The following PAM variants were observed in gnomAD, a reference collection of about 807,000 sequenced individuals.
PAM encodes peptidylglycine alpha-amidating monooxygenase.
In PAM, 72 loss-of-function variants were observed where a neutral mutation model predicts 122.1. The ratio of observed to expected loss-of-function variants is 0.59; its 90% CI spans 0.49 to 0.72. The LOEUF is 0.72. Among genes scored for constraint, PAM ranks in the 30% least tolerant of loss-of-function variants. PAM has a pLI of 0.00. For missense variants in PAM, 1,106 were observed against 1,183.7 expected (o/e 0.93, Z 0.96); for synonymous variants, 389 against 404.4 (o/e 0.96, Z 0.46).
chr5:102,770,777 T>C (rs1755537911), intron 1 of PAM, among the ~76,000 whole-genome samples: 1 of 152,126 alleles, frequency 6.6e-6, no homozygotes, highest in African/African-American at 2.4e-5. Context: ...TGTATCAATG[T>C]TCATCAGGGA....
intron 22 of PAM, among the ~76,000 whole-genome samples, chr5:103,018,205 GA>G (rs1469894959): frequency 6.6e-6 from 1 of 152,064 alleles, no homozygotes; most frequent in Non-Finnish European, 1.5e-5. Flanking sequence ...AATAATTGGG[GA>G]TGATAAATTT....
At chr5:103,001,731 T>G (rs1777454368) in intron 16 of PAM, among the ~76,000 whole-genome samples, 1 of 152,080 alleles carries the variant, frequency 6.6e-6, no homozygotes, top group South Asian at 2.1e-4. Context: ...TTTGTTCTCC[T>G]ATTTATGTAG....
At chr5:102,775,929 A>G (rs1417079987) in intron 1 of PAM, among the ~76,000 whole-genome samples, 1 of 152,180 alleles carries the variant, frequency 6.6e-6, no homozygotes, top group South Asian at 2.1e-4. Context: ...GTCTTCCACA[A>G]TGGTTGAACT....
rs187030608 is a variant in PAM, at chr5:102,978,661, T to C, written c.1483+4225T>C. 3.0e-3 allele frequency among the ~76,000 whole-genome samples: 462 copies of C among 152,288 alleles called. 2 individuals carry two copies. Among genetic ancestry groups the C allele is most frequent in the African/African-American group, 0.01 (433 of 41,568 alleles). On this transcript the variant is annotated intron_variant, in intron 15 of 25. Transcript: ENST00000438793. ...TTCAGAAGGTGTTCAATTATTCTTA[T>C]GATACATTTAGTTTTTTCTTCATTT...
chr5:102,828,673 CA>C (rs1463015897), intron 1 of PAM, among the ~76,000 whole-genome samples: 1 of 152,042 alleles, frequency 6.6e-6, no homozygotes, highest in African/African-American at 2.4e-5. Context: ...AGAAGGTGCC[CA>C]ATAAAGTTTA....
chr5:102,794,300 G>T (rs1762803822), intron 1 of PAM, among the ~76,000 whole-genome samples: 1 of 152,172 alleles, frequency 6.6e-6, no homozygotes, highest in African/African-American at 2.4e-5. Flanking sequence ...TAGGTGGAAG[G>T]TTGTCTTCCT....
chr5:102,807,209 G>A (rs1440767417), intron 1 of PAM, among the ~76,000 whole-genome samples: 1 of 152,172 alleles, frequency 6.6e-6, no homozygotes, highest in African/African-American at 2.4e-5. Flanking sequence ...AGCTTTCTTA[G>A]TACAGATGAT....
At chr5:103,018,255 G>C (rs1223443125) in intron 22 of PAM, among the ~76,000 whole-genome samples, 1 of 151,148 alleles carries the variant, frequency 6.6e-6, no homozygotes, top group African/African-American at 2.4e-5. Flanking sequence ...TTAGATAAAG[G>C]ACAAAAAAAC....
chr5:102,948,562 A>G, intron 9 of PAM, 117 bp downstream of exon 9: 1 of 604,366 alleles, frequency 1.7e-6, no homozygotes, highest in Non-Finnish European at 3.0e-6. Flanking sequence ...TCTTGGAAAA[A>G]TGAACCAATA....
At chr5:103,019,904 G>A in intron 23 of PAM, 61 bp downstream of exon 23, 1 of 966,354 alleles carries the variant, frequency 1.0e-6, no homozygotes. Flanking sequence ...ATTCTTTTAT[G>A]GCCCTTGATT....
chr5:102,837,750 A>G (rs1777492024), intron 1 of PAM: 1 of 152,210 alleles, frequency 6.6e-6, no homozygotes, highest in South Asian at 2.1e-4. Flanking sequence ...TGCAGAAAAC[A>G]ACATAATTAT....
intron 1 of PAM, among the ~76,000 whole-genome samples, chr5:102,860,943 G>C (rs1784009367): frequency 6.6e-6 from 1 of 152,142 alleles, no homozygotes; most frequent in Admixed American, 6.5e-5. Context: ...GGGTGGGGCT[G>C]ACCTGTATAG....
chr5:102,981,163 A>G (rs1769682033), intron 15 of PAM, among the ~76,000 whole-genome samples: 1 of 152,266 alleles, frequency 6.6e-6, no homozygotes, highest in African/African-American at 2.4e-5. Context: ...GTTTAAGGGC[A>G]TATGATAGTT....
chr5:102,926,156 G>A (rs184722318), intron 6 of PAM, among the ~76,000 whole-genome samples: 2,185 of 152,068 alleles, frequency 0.014, 45 homozygotes, highest in African/African-American at 0.05. Flanking sequence ...CTGCAGTGGC[G>A]CAATCTCGGC....
rs1038766276 is a variant in PAM at position 102,944,365 on chromosome 5, C to T, written c.527-2472C>T. 4.6e-5 allele frequency among the ~76,000 whole-genome samples: 7 copies of T among 152,026 alleles called. No individual in the cohort carries two copies. The East Asian group carries it at 1.4e-3, about 29-fold the overall frequency. Reference sequence around the variant, plus strand: ...TTAGTAGCTAAAGGCCAGGTATTTGCCTGTGTACCTTTGAGAGAGAGTTAA... The same window carrying T: ...TTAGTAGCTAAAGGCCAGGTATTTGTCTGTGTACCTTTGAGAGAGAGTTAA... On this transcript the variant is annotated intron_variant, in intron 7 of 25. Coordinates refer to ENST00000438793, the MANE Select transcript of PAM (RefSeq NM_001177306.2).
At chr5:102,998,799 C>T (rs1439458797) in intron 16 of PAM, among the ~76,000 whole-genome samples, 3 of 152,064 alleles carry the variant, frequency 2.0e-5, no homozygotes, top group Non-Finnish European at 4.4e-5. Flanking sequence ...GCATAATTTT[C>T]ACATTATTTA....
chr5:102,875,817 A>G (rs1561720917), intron 3 of PAM, among the ~76,000 whole-genome samples: 1 of 152,252 alleles, frequency 6.6e-6, no homozygotes, highest in Non-Finnish European at 1.5e-5. Context: ...TGTGTTTACT[A>G]GAAGAGGCAG....
At chr5:103,010,929 A>G (rs1780402612) in intron 21 of PAM, among the ~76,000 whole-genome samples, 1 of 152,208 alleles carries the variant, frequency 6.6e-6, no homozygotes, top group Non-Finnish European at 1.5e-5. Context: ...TTGTGTTACA[A>G]CAATCCAATT....
intron 7 of PAM, among the ~76,000 whole-genome samples, chr5:102,932,933 G>C (rs536477787): frequency 6.6e-6 from 1 of 152,144 alleles, no homozygotes; most frequent in East Asian, 1.9e-4. Flanking sequence ...TGTATTTTCT[G>C]TAGCTTCCTT....
Sources: allele counts gnomAD v4.1 joint callset (sites outside exome capture counted in the v4.1 genomes callset), GRCh38; gene constraint gnomAD v4.1.1; transcripts MANE v1.5; gene names NCBI Gene and HGNC (gene_info 2026-07-23, HGNC 2026-07-21).